The following PKIB variants were observed in gnomAD, a reference collection of about 807,000 sequenced individuals.
PKIB encodes cAMP-dependent protein kinase inhibitor beta, also known as PKI-beta.
In PKIB, 2 loss-of-function variants were observed where a neutral mutation model predicts 4.5. The observed-to-expected ratio is 0.44, with a 90% CI of 0.18 to 1.39. The LOEUF (loss-of-function observed/expected upper bound fraction) is 1.39, where lower values mean the gene tolerates loss of function less well. Ranked by LOEUF, PKIB falls within the 40% of genes most tolerant of loss-of-function variation. PKIB has a pLI of 0.27. For synonymous variants in PKIB, 38 were observed against 36.0 expected (o/e 1.06, Z -0.20); for missense variants, 94 against 92.6 (o/e 1.02, Z -0.06).
chr6:122,474,082 G>A (rs560648900), intron 1 of PKIB, among the ~76,000 whole-genome samples: 1 of 152,300 alleles, frequency 6.6e-6, no homozygotes, highest in African/African-American at 2.4e-5. Context: ...GCAGTGAGCT[G>A]GGATCGTGCC....
chr6:122,653,699 G>A (rs1334695701), intron 2 of PKIB, among the ~76,000 whole-genome samples: 1 of 151,354 alleles, frequency 6.6e-6, no homozygotes, highest in Admixed American at 6.6e-5. Flanking sequence ...AGTGGCTCCC[G>A]CCTGTAATCC....
intron 2 of PKIB, among the ~76,000 whole-genome samples, chr6:122,646,976 A>T (rs971678847): frequency 2.0e-5 from 3 of 152,084 alleles, no homozygotes; most frequent in Non-Finnish European, 2.9e-5. Context: ...ATTTTATTTT[A>T]ATATTTTCCA....
intron 3 of PKIB, among the ~76,000 whole-genome samples, chr6:122,686,910 A>G (rs1414161595): frequency 3.3e-5 from 5 of 152,168 alleles, no homozygotes; most frequent in South Asian, 4.2e-4. Flanking sequence ...ATCCCTTTCC[A>G]TGAGTTCTCT....
intron 4 of PKIB, among the ~76,000 whole-genome samples, chr6:122,723,703 T>G (rs936602025): frequency 6.6e-6 from 1 of 152,168 alleles, no homozygotes; most frequent in Non-Finnish European, 1.5e-5. Context: ...CTCCCCACTA[T>G]CTATATAGAA....
chr6:122,688,420 G>A (rs916056213), intron 3 of PKIB, among the ~76,000 whole-genome samples: 3 of 151,958 alleles, frequency 2.0e-5, no homozygotes, highest in Non-Finnish European at 2.9e-5. Context: ...TTTCTCTTTC[G>A]GATGTGTCTT....
At chr6:122,633,066 T>C (rs768463199) in intron 1 of PKIB, among the ~76,000 whole-genome samples, 8 of 152,174 alleles carry the variant, frequency 5.3e-5, no homozygotes, top group Admixed American at 2.6e-4. Flanking sequence ...AGCTGCTTAC[T>C]CAAGAAAATT....
chr6:122,592,128 C>T (rs1488386460), intron 3 of PKIB, among the ~76,000 whole-genome samples: 1 of 151,484 alleles, frequency 6.6e-6, no homozygotes, highest in Non-Finnish European at 1.5e-5. Flanking sequence ...TATTTGATTC[C>T]CCTTTACATT....
At chr6:122,634,143 G>C (rs1775818245) in intron 2 of PKIB, among the ~76,000 whole-genome samples, 1 of 151,968 alleles carries the variant, frequency 6.6e-6, no homozygotes, top group South Asian at 2.1e-4. Flanking sequence ...TCACTCATAA[G>C]TAGGGATTAA....
At chr6:122,593,220 T>C (rs1449569779) in intron 3 of PKIB, among the ~76,000 whole-genome samples, 1 of 152,248 alleles carries the variant, frequency 6.6e-6, no homozygotes, top group East Asian at 1.9e-4. Flanking sequence ...TTTATGTACC[T>C]GTGCTTTTTA....
At chr6:122,669,854 C>A (rs1777383299) in intron 2 of PKIB, among the ~76,000 whole-genome samples, 1 of 152,088 alleles carries the variant, frequency 6.6e-6, no homozygotes, top group Admixed American at 6.5e-5. Context: ...TTTGTAAATT[C>A]TTTTTATGTC....
chr6:122,606,804 ACTT>A (rs1487251878), upstream of PKIB, among the ~76,000 whole-genome samples: 1 of 152,020 alleles, frequency 6.6e-6, no homozygotes, highest in Non-Finnish European at 1.5e-5. Flanking sequence ...ACTACTGTCC[ACTT>A]CTTCTGCCCA....
intron 3 of PKIB, among the ~76,000 whole-genome samples, chr6:122,713,241 T>C (rs1779343171): frequency 6.6e-6 from 1 of 152,186 alleles, no homozygotes; most frequent in Admixed American, 6.6e-5. Context: ...TCCAAATGTC[T>C]AAATGGTTCC....
At chr6:122,683,832 G>C (rs1777994557) in intron 3 of PKIB, among the ~76,000 whole-genome samples, 1 of 152,040 alleles carries the variant, frequency 6.6e-6, no homozygotes, top group Non-Finnish European at 1.5e-5. Context: ...CTAACAATAA[G>C]GCTATGATAT....
At chr6:122,532,028 G>C (rs1314814254) in intron 2 of PKIB, among the ~76,000 whole-genome samples, 2 of 152,148 alleles carry the variant, frequency 1.3e-5, no homozygotes, top group Non-Finnish European at 2.9e-5. Context: ...TCTAAAATTA[G>C]CTTGACGCCT....
At chr6:122,558,320 C>T (rs1043256193) in intron 2 of PKIB, among the ~76,000 whole-genome samples, 2 of 152,124 alleles carry the variant, frequency 1.3e-5, no homozygotes, top group African/African-American at 4.8e-5. Flanking sequence ...TTAGTAATGC[C>T]AGTGGATTAA....
intron 3 of PKIB, among the ~76,000 whole-genome samples, chr6:122,595,164 G>A (rs959333321): frequency 3.3e-5 from 5 of 152,154 alleles, no homozygotes; most frequent in African/African-American, 1.2e-4. Flanking sequence ...TCCACCTCTT[G>A]ATTGCTGAAT....
At chr6:122,718,415 T>C (rs1341002776) in intron 4 of PKIB, among the ~76,000 whole-genome samples, 5 of 152,148 alleles carry the variant, frequency 3.3e-5, no homozygotes, top group African/African-American at 9.7e-5. Flanking sequence ...TACTATCAAG[T>C]AGAGATGAGA....
chr6:122,683,225 G>C (rs1777969444), intron 3 of PKIB, among the ~76,000 whole-genome samples: 1 of 152,096 alleles, frequency 6.6e-6, no homozygotes, highest in African/African-American at 2.4e-5. Flanking sequence ...GATTTAATTG[G>C]CTCATGGTTC....
intron 2 of PKIB, among the ~76,000 whole-genome samples, chr6:122,508,310 G>A (rs1000042949): frequency 3.9e-5 from 6 of 152,206 alleles, no homozygotes; most frequent in African/African-American, 1.2e-4. Context: ...CGTGGGTGAC[G>A]TCTGTTTGTC....
Sources: allele counts gnomAD v4.1 joint callset (sites outside exome capture counted in the v4.1 genomes callset), GRCh38; gene constraint gnomAD v4.1.1; transcripts MANE v1.5; gene names NCBI Gene and HGNC (gene_info 2026-07-23, HGNC 2026-07-21).